Variants in TCF4 observed in about 807,000 individuals in gnomAD.
TCF4 encodes the protein transcription factor 4.
Under a neutral mutation model 82.1 loss-of-function variants are expected in TCF4, and 3 were observed. The observed-to-expected ratio is 0.04, with a 90% CI of 0.02 to 0.09. The LOEUF is 0.09. TCF4 is among the 10% of genes least tolerant of loss of function. TCF4 has a pLI of 1.00. For missense variants in TCF4, 518 were observed against 852.7 expected, an observed-to-expected ratio of 0.61 and a Z score of 4.89; for synonymous variants, 276 against 309.6, an observed-to-expected ratio of 0.89 and a Z score of 1.14.
intron 1 of TCF4, 91 bp downstream of exon 1, chr18:55,587,947 A>C (rs2097668066): frequency 5.7e-6 from 5 of 877,812 alleles, no homozygotes; most frequent in Admixed American, 1.4e-4. Flanking sequence ...GCGGCGCGGG[A>C]GGCGCGGAGC....
chr18:55,553,552 A>G (rs2097278110), intron 3 of TCF4: 1 of 152,182 alleles, frequency 6.6e-6, no homozygotes, highest in Admixed American at 6.5e-5. Context: ...TTTGGGTGGC[A>G]ATTTTCAGCC....
intron 2 of TCF4, among the ~76,000 whole-genome samples, chr18:55,623,034 A>G (rs957582321): frequency 6.6e-6 from 1 of 152,180 alleles, no homozygotes; most frequent in African/African-American, 2.4e-5. Context: ...CTCATTTTAT[A>G]GCTAATAAAA....
At chr18:55,302,464 T>A (rs1310516144) in intron 8 of TCF4, 4 of 1,536,238 alleles carry the variant, frequency 2.6e-6, no homozygotes, top group Non-Finnish European at 3.5e-6. Flanking sequence ...TATCTGAGCA[T>A]CTGCATTGTT....
chr18:55,242,526 G>A (rs957021404), intron 15 of TCF4, among the ~76,000 whole-genome samples: 3 of 151,766 alleles, frequency 2.0e-5, no homozygotes, highest in East Asian at 1.9e-4. Flanking sequence ...TTTGACAAGC[G>A]CCTTATGAAA....
At chr18:55,534,328 C>A (rs2097096368) in intron 3 of TCF4, among the ~76,000 whole-genome samples, 1 of 152,136 alleles carries the variant, frequency 6.6e-6, no homozygotes, top group South Asian at 2.1e-4. Context: ...CAGAGACACA[C>A]CATAAATGAA....
chr18:55,393,731 A>G (rs2093321807), intron 6 of TCF4, among the ~76,000 whole-genome samples: 1 of 152,224 alleles, frequency 6.6e-6, no homozygotes, highest in Non-Finnish European at 1.5e-5. Flanking sequence ...GTGAGAATGG[A>G]TGAAAGTAAC....
chr18:55,503,960 G>A (rs967619440), intron 3 of TCF4, among the ~76,000 whole-genome samples: 3 of 152,118 alleles, frequency 2.0e-5, no homozygotes, highest in Non-Finnish European at 2.9e-5. Flanking sequence ...CTGTAGTCCC[G>A]CTACTGAGGA....
chr18:55,557,382 G>T (rs2097314207), intron 3 of TCF4, among the ~76,000 whole-genome samples: 1 of 151,950 alleles, frequency 6.6e-6, no homozygotes, highest in Non-Finnish European at 1.5e-5. Context: ...AGTCCAGCCT[G>T]GGTAATATAG....
At chr18:55,327,474 C>T (rs898551121) in intron 8 of TCF4, among the ~76,000 whole-genome samples, 1 of 152,032 alleles carries the variant, frequency 6.6e-6, no homozygotes, top group Non-Finnish European at 1.5e-5. Context: ...AAAATATCAG[C>T]GTAAACTGTG....
At chr18:55,337,858 G>A (rs915727505) in intron 8 of TCF4, among the ~76,000 whole-genome samples, 1 of 151,814 alleles carries the variant, frequency 6.6e-6, no homozygotes, top group Non-Finnish European at 1.5e-5. Context: ...TTTTTCATCC[G>A]ACGTCCGATG....
At chr18:55,341,939 C>T (rs555308244) in intron 8 of TCF4, among the ~76,000 whole-genome samples, 17 of 152,214 alleles carry the variant, frequency 1.1e-4, no homozygotes, top group African/African-American at 4.1e-4. Flanking sequence ...TTTCATTAAA[C>T]GTGAAGAATC....
chr18:55,384,597 T>C (rs1279904691), intron 6 of TCF4, among the ~76,000 whole-genome samples: 3 of 152,198 alleles, frequency 2.0e-5, no homozygotes, highest in African/African-American at 4.8e-5. Flanking sequence ...CTGGTTCACA[T>C]TGATACTGAA....
intron 3 of TCF4, among the ~76,000 whole-genome samples, chr18:55,582,957 A>G (rs925713595): frequency 2.6e-5 from 4 of 152,218 alleles, no homozygotes; most frequent in African/African-American, 9.6e-5. Context: ...CATGATTTTT[A>G]AAATGTATTA....
intron 2 of TCF4, chr18:55,586,088 A>G (rs1443892261): frequency 7.0e-7 from 1 of 1,436,106 alleles, no homozygotes; most frequent in Non-Finnish European, 9.2e-7. Context: ...AAACTTCCGA[A>G]AGCCATTTCT....
intron 5 of TCF4, among the ~76,000 whole-genome samples, chr18:55,415,709 T>G (rs1291125183): frequency 6.6e-6 from 1 of 152,230 alleles, no homozygotes; most frequent in Non-Finnish European, 1.5e-5. Flanking sequence ...TTAAAAAGAT[T>G]TGTACAGAAG....
chr18:55,424,456 G>A (rs1273565953), intron 5 of TCF4, among the ~76,000 whole-genome samples: 1 of 152,124 alleles, frequency 6.6e-6, no homozygotes, highest in Non-Finnish European at 1.5e-5. Context: ...ACAAAGTTAG[G>A]GACAGGCTCC....
At chr18:55,245,484 C>T (rs1426962581) in intron 15 of TCF4, among the ~76,000 whole-genome samples, 2 of 152,152 alleles carry the variant, frequency 1.3e-5, no homozygotes, top group South Asian at 2.1e-4. Flanking sequence ...CATGAAAGCT[C>T]GCTCTTCCTG....
chr18:55,509,372 C>T (rs1408916350), intron 3 of TCF4, among the ~76,000 whole-genome samples: 2 of 152,008 alleles, frequency 1.3e-5, no homozygotes, highest in East Asian at 3.9e-4. Flanking sequence ...CAAACACCAC[C>T]ACCACATACT....
At chr18:55,448,587 T>C (rs985297161) in intron 5 of TCF4, among the ~76,000 whole-genome samples, 5 of 152,220 alleles carry the variant, frequency 3.3e-5, no homozygotes, top group African/African-American at 1.2e-4. Flanking sequence ...ACATTCCACC[T>C]TGAGGAACAC....
Sources: allele counts gnomAD v4.1 joint callset (sites outside exome capture counted in the v4.1 genomes callset), GRCh38; gene constraint gnomAD v4.1.1; transcripts MANE v1.5; gene names NCBI Gene and HGNC (gene_info 2026-07-23, HGNC 2026-07-21).